CNTNAP4: variants seen among roughly 807,000 people sequenced by gnomAD.
The protein encoded by CNTNAP4 is contactin associated protein family member 4.
Under a neutral mutation model 148.4 loss-of-function variants are expected in CNTNAP4, and 98 were observed. That is an observed-to-expected ratio of 0.66 (90% CI 0.56 to 0.78). The LOEUF is 0.78. Among genes scored for constraint, CNTNAP4 ranks in the 30% least tolerant of loss-of-function variants. The probability of loss-of-function intolerance (pLI) is 0.00; values close to 1 mark genes in which losing one functional copy is unlikely to be tolerated. For missense variants in CNTNAP4, 1,935 were observed against 1,565.6 expected (o/e 1.24, Z -3.98); for synonymous variants, 730 against 565.1 (o/e 1.29, Z -4.14).
At chr16:76,319,942 C>G (rs1235805784) in intron 2 of CNTNAP4, among the ~76,000 whole-genome samples, 1 of 152,128 alleles carries the variant, frequency 6.6e-6, no homozygotes, top group African/African-American at 2.4e-5. Flanking sequence ...CCCTTGAAAA[C>G]AAATACAGAT....
At chr16:76,351,334 A>G (rs1241700332) in intron 2 of CNTNAP4, among the ~76,000 whole-genome samples, 6 of 151,700 alleles carry the variant, frequency 4.0e-5, no homozygotes, top group Non-Finnish European at 8.8e-5. Flanking sequence ...TTTGCATTTC[A>G]TGTCACTAGC....
intron 12 of CNTNAP4, among the ~76,000 whole-genome samples, chr16:76,488,426 A>G (rs1377893606): frequency 6.6e-6 from 1 of 152,182 alleles, no homozygotes; most frequent in Non-Finnish European, 1.5e-5. Context: ...CCACACATGG[A>G]AGGCAATAAT....
chr16:76,333,357 T>C (rs1295138511), intron 2 of CNTNAP4, among the ~76,000 whole-genome samples: 2 of 152,246 alleles, frequency 1.3e-5, no homozygotes, highest in Non-Finnish European at 2.9e-5. Context: ...TTCTCTCTGC[T>C]CAAATCTGCT....
intron 2 of CNTNAP4, among the ~76,000 whole-genome samples, chr16:76,329,085 C>A (rs907552293): frequency 6.6e-6 from 1 of 151,922 alleles, no homozygotes; most frequent in Non-Finnish European, 1.5e-5. Flanking sequence ...TTTGTTAGTA[C>A]GAAATGCAAA....
chr16:76,353,538 T>C (rs2016901), intron 2 of CNTNAP4, among the ~76,000 whole-genome samples: 124,949 of 152,100 alleles, frequency 0.82, 51,795 homozygotes, highest in African/African-American at 0.92. Context: ...TTTGCGGTTG[T>C]TAAGCATCAT....
At chr16:76,443,122 G>A (rs1256441698) in intron 4 of CNTNAP4, among the ~76,000 whole-genome samples, 1 of 151,904 alleles carries the variant, frequency 6.6e-6, no homozygotes, top group Non-Finnish European at 1.5e-5. Context: ...TTAAAATATA[G>A]AATGTAAAAT....
At chr16:76,407,508 A>T (rs543726224) in intron 3 of CNTNAP4, among the ~76,000 whole-genome samples, 19 of 152,106 alleles carry the variant, frequency 1.2e-4, no homozygotes, top group African/African-American at 4.3e-4. Context: ...GAAGAAGCTG[A>T]TTCCAACCCT....
Position 76,476,117 on chromosome 16 carries a change from T to C in CNTNAP4, c.1762+72T>C, listed in dbSNP as rs76870328. On this transcript the variant is annotated intron_variant, in intron 11 of 23. Transcript: ENST00000611870. Reference sequence around the variant, plus strand: ...TGTCCCATTTCCCTTTTCATTGCTGTGTGTATATATGTCTGTTCTGTGCAA... The same window carrying C: ...TGTCCCATTTCCCTTTTCATTGCTGCGTGTATATATGTCTGTTCTGTGCAA... The C allele has an allele frequency of 2.3e-5, 23 of 982,022 alleles. No homozygotes were observed. The East Asian group carries it at 5.7e-4, about 24-fold the overall frequency. 60.8% of individuals were successfully genotyped at this position (982,022 alleles called of 1,614,324 possible). A position where few individuals can be genotyped will look rare whatever the true frequency, so the allele number is the denominator to read the frequency against.
chr16:76,318,704 T>C (rs1443424620), intron 2 of CNTNAP4, among the ~76,000 whole-genome samples: 3 of 132,174 alleles, frequency 2.3e-5, no homozygotes, highest in Non-Finnish European at 5.1e-5. Flanking sequence ...CATAATGATT[T>C]ATTTATTAGA....
chr16:76,338,380 A>C (rs1964194099), intron 2 of CNTNAP4, among the ~76,000 whole-genome samples: 1 of 151,874 alleles, frequency 6.6e-6, no homozygotes, highest in Non-Finnish European at 1.5e-5. Context: ...TGCCCCCTCT[A>C]TTCCCTTTGC....
At chr16:76,528,460 C>T (rs1462366218) in intron 17 of CNTNAP4, among the ~76,000 whole-genome samples, 1 of 152,054 alleles carries the variant, frequency 6.6e-6, no homozygotes, top group Admixed American at 6.6e-5. Flanking sequence ...GAGACGCAGT[C>T]TCCCTATGTG....
chr16:76,508,528 CTT>C lies in CNTNAP4; in HGVS notation c.2365+9844_2365+9845del, dbSNP rs11323893. Among the ~76,000 whole-genome samples, 15 of 83,136 alleles carry C rather than the reference CTT, an allele frequency of 1.8e-4. 3 individuals are homozygous for C. Among genetic ancestry groups the C allele is most frequent in the South Asian group, 1.0e-3 (2 of 1,972 alleles). The allele number at this position is 83,136 out of a possible 152,430, so 54.5% of individuals were successfully genotyped here. ...ATAGATTATTTTATGGTCTATTTTG[CTT>C]TTTTTTTTTGTTCACTTTTTTATTA... is the stretch of plus-strand genomic sequence containing the variant. On this transcript the variant is annotated intron_variant, in intron 15 of 23. Coordinates refer to ENST00000611870, the MANE Select transcript of CNTNAP4 (RefSeq NM_033401.5).
In CNTNAP4 at chr16:76,470,482, A is replaced by ATATATATATATATAT. The variant is rs146482811; in HGVS notation, c.1655+2959_1655+2960insTATATATATATATAT. 4.1e-4 allele frequency among the ~76,000 whole-genome samples: 40 copies of ATATATATATATATAT among 96,994 alleles called. 4 individuals carry two copies. The highest frequency in any genetic ancestry group is 8.5e-4 in the South Asian group (2 of 2,354). 63.6% of individuals were successfully genotyped at this position (96,994 alleles called of 152,430 possible). On this transcript the variant is annotated intron_variant, in intron 10 of 23. Coordinates refer to ENST00000611870, the MANE Select transcript of CNTNAP4 (RefSeq NM_033401.5). ...ATAGCAAAACCACGTCTCTACTAAT[A>ATATATATATATATAT]ATATATATATATATAAAATTAGTCG...
At chr16:76,446,779 G>A (rs184894704) in intron 4 of CNTNAP4, among the ~76,000 whole-genome samples, 90 of 152,174 alleles carry the variant, frequency 5.9e-4, no homozygotes, top group Admixed American at 3.5e-3. Flanking sequence ...TACTCAAGGC[G>A]GCATTTGATG....
Position 76,560,556 on chromosome 16 carries a change from A to G in CNTNAP4, c.*1873A>G, listed in dbSNP as rs2085374527. Among the ~76,000 whole-genome samples, 1 of 152,130 alleles carries G rather than the reference A, an allele frequency of 6.6e-6. No homozygotes were observed. The highest frequency in any genetic ancestry group is 2.1e-4 in the South Asian group (1 of 4,828). On this transcript the variant is annotated 3_prime_UTR_variant, in exon 24 of 24. Transcript: ENST00000611870. The stretch of plus-strand genomic sequence containing the variant: ...TGAATCTTTTGCAGATGTTCATGTT[A>G]TTTAGTAGCGGTATTAACCTCATTG...
At chr16:76,317,813 A>G (rs771216771) in intron 2 of CNTNAP4, among the ~76,000 whole-genome samples, 27 of 152,154 alleles carry the variant, frequency 1.8e-4, no homozygotes, top group Non-Finnish European at 3.2e-4. Context: ...CTTTAACATG[A>G]TTTTAAGCTT....
intron 23 of CNTNAP4, chr16:76,557,484 C>G (rs922656304): frequency 7.9e-5 from 12 of 152,138 alleles, no homozygotes; most frequent in African/African-American, 2.9e-4. Context: ...CCCATTTTAA[C>G]ACACAAAATG....
chr16:76,325,480 A>G (rs1024303485), intron 2 of CNTNAP4, among the ~76,000 whole-genome samples: 1 of 152,180 alleles, frequency 6.6e-6, no homozygotes, highest in Non-Finnish European at 1.5e-5. Flanking sequence ...AGTGGAATTC[A>G]GCTAGAAATC....
At chr16:76,437,445 C>T (rs1180248937) in intron 4 of CNTNAP4, among the ~76,000 whole-genome samples, 2 of 151,982 alleles carry the variant, frequency 1.3e-5, no homozygotes, top group African/African-American at 4.8e-5. Context: ...ACTATGAAAA[C>T]CTATCAGGGT....
Sources: allele counts gnomAD v4.1 joint callset (sites outside exome capture counted in the v4.1 genomes callset), GRCh38; gene constraint gnomAD v4.1.1; transcripts MANE v1.5; gene names NCBI Gene and HGNC (gene_info 2026-07-23, HGNC 2026-07-21).